Variants in SRFBP1 observed in about 807,000 individuals in gnomAD.
The protein encoded by SRFBP1 is serum response factor-binding protein 1.
SRFBP1 carries 47 observed loss-of-function variants against 45.5 expected under a neutral mutation model. The observed-to-expected ratio is 1.03, with a 90% CI of 0.82 to 1.32. SRFBP1 has a LOEUF of 1.32. Among genes scored for constraint, SRFBP1 ranks in the 40% most tolerant of loss-of-function variants. The pLI is 0.00. For synonymous variants in SRFBP1, 203 were observed against 166.3 expected, an observed-to-expected ratio of 1.22 and a Z score of -1.70; for missense variants, 621 against 484.6, an observed-to-expected ratio of 1.28 and a Z score of -2.64.
At chr5:122,018,654 T>A (rs1467699155) in intron 4 of SRFBP1, among the ~76,000 whole-genome samples, 1 of 152,206 alleles carries the variant, frequency 6.6e-6, no homozygotes, top group African/African-American at 2.4e-5. Flanking sequence ...AATTTAGATG[T>A]TGTCAGCCTT....
At chr5:121,995,943 C>G (rs945504214) in intron 4 of SRFBP1, among the ~76,000 whole-genome samples, 2 of 152,138 alleles carry the variant, frequency 1.3e-5, no homozygotes, top group Non-Finnish European at 2.9e-5. Context: ...GACACATACA[C>G]TCTCCCAAGA....
At chr5:122,074,065 G>A (rs902243800) in intron 2 of SRFBP1, 1 of 1,614,026 alleles carries the variant, frequency 6.2e-7, no homozygotes, top group African/African-American at 1.3e-5. Flanking sequence ...GTCACAGGAT[G>A]TGTCTTCAAG....
At chr5:122,078,051 C>G, downstream of SRFBP1, 7 of 1,381,272 alleles carry the variant, frequency 5.1e-6, no homozygotes, top group Non-Finnish European at 6.6e-6. Context: ...AAACGGGGCT[C>G]AAATCACGTG....
chr5:122,059,459 G>A (rs1754137383), intron 2 of SRFBP1, among the ~76,000 whole-genome samples: 1 of 152,036 alleles, frequency 6.6e-6, no homozygotes, highest in Admixed American at 6.6e-5. Context: ...CTCAGGTTTA[G>A]GAACCCCTGG....
At position 122,020,365 on chromosome 5, in the gene SRFBP1, G is replaced by T; in HGVS notation, c.630G>T (p.Lys210Asn). 6.2e-7 allele frequency: 1 copy of T among 1,614,034 alleles called. No homozygotes were observed. The highest frequency in any genetic ancestry group is 1.1e-5 in the South Asian group (1 of 91,082). ...IANSPSKPSE[K>N]DSVVSLESQK... ...ATTCTCCATCAAAGCCTTCAGAAAA[G>T]GATTCTGTAGTTTCCCTTGAGTCCC... Residue 210 changes from lysine to asparagine, a missense_variant, in exon 6 of 8, where the codon AAG (lysine) becomes AAT (asparagine). Lys to Asn is a moderately conservative substitution (Grantham distance 94). Transcript: ENST00000339397.
chr5:122,016,745 C>T (rs977126199), intron 4 of SRFBP1, among the ~76,000 whole-genome samples: 1 of 152,126 alleles, frequency 6.6e-6, no homozygotes, highest in Non-Finnish European at 1.5e-5. Context: ...TATCTTTCCT[C>T]TATTGTATCA....
chr5:121,985,265 TTTACAAA>T (rs1752487449), intron 3 of SRFBP1, among the ~76,000 whole-genome samples: 1 of 151,836 alleles, frequency 6.6e-6, no homozygotes, highest in Non-Finnish European at 1.5e-5. Flanking sequence ...TGAATGAAAC[TTTACAAA>T]TTATAGGGTG....
chr5:121,980,576 A>T lies in SRFBP1; in HGVS notation c.198+5189A>T, dbSNP rs190160669. On this transcript the variant is annotated intron_variant, in intron 3 of 7. Coordinates refer to ENST00000339397, the MANE Select transcript of SRFBP1 (RefSeq NM_152546.3). ...GCAATTTTTTTGAACACCATCAAGG[A>T]TAGTGATAATAGCCATTTTTGCTTA... 2.4e-4 allele frequency among the ~76,000 whole-genome samples: 36 copies of T among 152,204 alleles called. No homozygotes were observed. The East Asian group carries it at 5.2e-3, about 22-fold the overall frequency.
intron 2 of SRFBP1, among the ~76,000 whole-genome samples, chr5:122,043,966 T>C (rs1338541140): frequency 6.6e-6 from 1 of 152,140 alleles, no homozygotes; most frequent in East Asian, 1.9e-4. Flanking sequence ...GTAATGCGCA[T>C]GATACCTCAT....
downstream of SRFBP1, chr5:122,076,926 A>G: frequency 6.2e-7 from 1 of 1,613,440 alleles, no homozygotes; most frequent in Non-Finnish European, 8.5e-7. Flanking sequence ...CGCGCATCTC[A>G]GGTTGTACAT....
intron 2 of SRFBP1, among the ~76,000 whole-genome samples, chr5:122,048,672 T>C (rs1753909949): frequency 6.6e-6 from 1 of 152,218 alleles, no homozygotes; most frequent in Admixed American, 6.5e-5. Flanking sequence ...ATCCATCTGG[T>C]CCTGGACTTT....
At position 122,020,630 on chromosome 5, in the gene SRFBP1, A is replaced by C. The variant is rs764594322; in HGVS notation, c.895A>C (p.Ser299Arg). The C allele has an allele frequency of 6.2e-7, 1 of 1,613,966 alleles. No homozygotes were observed. The highest frequency in any genetic ancestry group is 8.5e-7 in the Non-Finnish European group (1 of 1,179,958). ...KVRRTRKKES[S>R]CHSSVKEQKP... ...CAGACGGACACGAAAGAAGGAAAGT[A>C]GTTGTCATTCTTCAGTTAAGGAACA... The change falls in exon 6 of 8, where the codon AGT becomes CGT. Residue 299 changes from serine to arginine, a missense_variant. By Grantham distance (110) the Ser-to-Arg change is moderately radical. Transcript: ENST00000339397.
At chr5:122,037,402 G>C (rs977976394) in intron 2 of SRFBP1, among the ~76,000 whole-genome samples, 1 of 152,184 alleles carries the variant, frequency 6.6e-6, no homozygotes, top group African/African-American at 2.4e-5. Context: ...CTTGCAGGTA[G>C]GGTAAACTCC....
Position 122,027,156 on chromosome 5 carries a change from C to A in SRFBP1, c.*30C>A. 5.2e-6 allele frequency: 8 copies of A among 1,542,494 alleles called. No homozygotes were observed. Among genetic ancestry groups the A allele is most frequent in the Admixed American group, 4.0e-5 (2 of 50,374 alleles). On this transcript the variant is annotated 3_prime_UTR_variant, in exon 8 of 8. Transcript: ENST00000339397. Reference sequence around the variant, plus strand: ...TGCCTCTTTCTGCAAACTTTTCCATCTAAAAAAAAAAATGTTTTTTTTAAG... The same window carrying A: ...TGCCTCTTTCTGCAAACTTTTCCATATAAAAAAAAAAATGTTTTTTTTAAG...
At chr5:122,019,551 C>T (rs946896211) in intron 5 of SRFBP1, among the ~76,000 whole-genome samples, 1 of 151,012 alleles carries the variant, frequency 6.6e-6, no homozygotes, top group South Asian at 2.1e-4. Context: ...AATATGTGAA[C>T]GTATAATACG....
chr5:121,971,051 G>A (rs890142624), intron 1 of SRFBP1, among the ~76,000 whole-genome samples: 3 of 152,034 alleles, frequency 2.0e-5, no homozygotes, highest in African/African-American at 7.2e-5. Context: ...AATGGTAGGT[G>A]TAAAGGCTTT....
At chr5:121,975,061 A>G (rs887742276) in intron 2 of SRFBP1, among the ~76,000 whole-genome samples, 1 of 151,970 alleles carries the variant, frequency 6.6e-6, no homozygotes, top group African/African-American at 2.4e-5. Context: ...AGAGAAGGCA[A>G]ACTATCAAAA....
Position 121,975,382 on chromosome 5 carries a change from A to G in SRFBP1, c.193A>G (p.Met65Val), listed in dbSNP as rs543822184. ...AQRLLEEIHA[M>V]KELKPDIVTK... ...AAGATTGCTTGAAGAAATCCATGCC[A>G]TGAAGGTAAGGACTTGTGTGGGTGT... The change falls in exon 3 of 8, where the codon ATG (methionine) becomes GTG (valine). Residue 65 changes from methionine to valine, a missense_variant. Physicochemically the swap from Met to Val is conservative, Grantham distance 21. Transcript: ENST00000339397. The G allele has an allele frequency of 6.2e-6, 10 of 1,613,270 alleles. No homozygotes were observed. The African/African-American group carries it at 1.1e-4, about 17-fold the overall frequency.
chr5:122,050,531 A>T (rs1235207179), intron 2 of SRFBP1, among the ~76,000 whole-genome samples: 1 of 152,072 alleles, frequency 6.6e-6, no homozygotes, highest in Non-Finnish European at 1.5e-5. Flanking sequence ...GGGTGCATAG[A>T]AGTGTTCATA....
Sources: allele counts gnomAD v4.1 joint callset (sites outside exome capture counted in the v4.1 genomes callset), GRCh38; gene constraint gnomAD v4.1.1; transcripts MANE v1.5; gene names NCBI Gene and HGNC (gene_info 2026-07-23, HGNC 2026-07-21).